The following UGT1A7 variants were observed in gnomAD, a reference collection of about 807,000 sequenced individuals.
UGT1A7 encodes UDP-glucuronosyltransferase 1A7.
UGT1A7 carries 33 observed loss-of-function variants against 45.6 expected under a neutral mutation model. That is an observed-to-expected ratio of 0.72 (90% CI 0.55 to 0.97). UGT1A7 has a LOEUF of 0.97. UGT1A7 is among the 50% of genes least tolerant of loss of function. UGT1A7 has a pLI of 0.00. For missense variants in UGT1A7, 684 were observed against 666.2 expected, an observed-to-expected ratio of 1.03 and a Z score of -0.29; for synonymous variants, 274 against 250.6, an observed-to-expected ratio of 1.09 and a Z score of -0.88.
In UGT1A7 at chr2:233,699,737, A is replaced by G. The variant is rs28898584; in HGVS notation, c.855+16945A>G. Among the ~76,000 whole-genome samples, 1,362 of 152,336 alleles carry G rather than the reference A, an allele frequency of 8.9e-3. 31 individuals carry two copies. The highest frequency in any genetic ancestry group is 0.031 in the African/African-American group (1,271 of 41,572). ...AGCATTTTTTACGGAGCGTTTTCCC[A>G]GAAAACTAGACCCCAGTTCCTCAGG... On this transcript the variant is annotated intron_variant, in intron 1 of 4. Coordinates refer to ENST00000373426, the MANE Select transcript of UGT1A7 (RefSeq NM_019077.3).
intron 1 of UGT1A7, among the ~76,000 whole-genome samples, chr2:233,738,578 G>A (rs893369002): frequency 6.6e-6 from 1 of 152,224 alleles, no homozygotes; most frequent in African/African-American, 2.4e-5. Context: ...GAGAACTGGA[G>A]CAAAGGTCAC....
rs570797148 is a variant in UGT1A7, at chr2:233,754,249, G to A, written c.856-12785G>A. The A allele has an allele frequency of 1.1e-3, 192 of 168,812 alleles. 1 individual carries two copies. The South Asian group carries it at 0.012, about 11-fold the overall frequency. 10.5% of individuals were successfully genotyped at this position (168,812 alleles called of 1,614,324 possible). A position where few individuals can be genotyped will look rare whatever the true frequency, so the allele number is the denominator to read the frequency against. On this transcript the variant is annotated intron_variant, in intron 1 of 4. Coordinates refer to ENST00000373426, the MANE Select transcript of UGT1A7 (RefSeq NM_019077.3). ...ACCACCTGGCTCACACTTTCCCAAC[G>A]GAAAAAGGTAAGGCTCAAAGTGCTG...
intron 1 of UGT1A7, among the ~76,000 whole-genome samples, chr2:233,737,637 G>T (rs1475956364): frequency 6.6e-6 from 1 of 152,182 alleles, no homozygotes; most frequent in Non-Finnish European, 1.5e-5. Context: ...CATCTTCTGC[G>T]TCGATCATGC....
chr2:233,750,910 G>T (rs1371262201), intron 1 of UGT1A7, among the ~76,000 whole-genome samples: 1 of 151,884 alleles, frequency 6.6e-6, no homozygotes, highest in African/African-American at 2.4e-5. Context: ...GCTAGAGAAG[G>T]GTGGTAAAGA....
Position 233,769,013 on chromosome 2 carries a change from C to T in UGT1A7, c.1295+574C>T, listed in dbSNP as rs4148328. 0.32 allele frequency among the ~76,000 whole-genome samples: 49,227 copies of T among 151,996 alleles called. 8,798 individuals are homozygous for T. Among genetic ancestry groups the T allele is most frequent in the East Asian group, 0.6 (3,101 of 5,178 alleles). On this transcript the variant is annotated intron_variant, in intron 4 of 4. Transcript: ENST00000373426. The surrounding 1 kb of genome is among the most constrained non-coding windows in gnomAD (Gnocchi z 4.4). ...CCATTAGATTTAAAACTCCAATTTA[C>T]ATAAAAAGTTGCCATAATAGACATC...
At chr2:233,724,968 T>G (rs1288341370) in intron 1 of UGT1A7, among the ~76,000 whole-genome samples, 5 of 135,284 alleles carry the variant, frequency 3.7e-5, no homozygotes, top group Non-Finnish European at 8.0e-5. Context: ...AGGCCGAGGT[T>G]GGCGGATCAC....
intron 1 of UGT1A7, among the ~76,000 whole-genome samples, chr2:233,701,108 C>T (rs1258266340): frequency 1.3e-5 from 2 of 152,114 alleles, no homozygotes; most frequent in African/African-American, 4.8e-5. Flanking sequence ...TTTTCTTAAT[C>T]CAGTCTATCA....
chr2:233,693,469 T>C (rs757888453), intron 1 of UGT1A7: 2 of 1,614,144 alleles, frequency 1.2e-6, no homozygotes, highest in East Asian at 2.2e-5. Flanking sequence ...CCTTACCCTG[T>C]GGGGTGATCC....
chr2:233,713,263 G>T, intron 1 of UGT1A7: 1 of 1,614,196 alleles, frequency 6.2e-7, no homozygotes, highest in Non-Finnish European at 8.5e-7. Context: ...GAATTTGATC[G>T]CCTTTTGCTG....
At chr2:233,725,486 A>G (rs1390783883) in intron 1 of UGT1A7, among the ~76,000 whole-genome samples, 10 of 152,080 alleles carry the variant, frequency 6.6e-5, no homozygotes, top group Non-Finnish European at 1.0e-4. Context: ...GAAACCAGCA[A>G]AAAGAAACCA....
intron 1 of UGT1A7, among the ~76,000 whole-genome samples, chr2:233,765,334 TAAC>T (rs1239541467): frequency 6.6e-6 from 1 of 152,144 alleles, no homozygotes; most frequent in African/African-American, 2.4e-5. Flanking sequence ...CTATTCACAA[TAAC>T]AAAGTCATGG....
At chr2:233,717,999 T>G (rs1180209049) in intron 1 of UGT1A7, 5 of 416,692 alleles carry the variant, frequency 1.2e-5, no homozygotes, top group Non-Finnish European at 2.4e-5. Flanking sequence ...CTGTGCAAGA[T>G]CTGAGGCCAG....
intron 1 of UGT1A7, among the ~76,000 whole-genome samples, chr2:233,694,899 T>G (rs2075247307): frequency 6.6e-6 from 1 of 152,242 alleles, no homozygotes; most frequent in Non-Finnish European, 1.5e-5. Context: ...TGTGATATTT[T>G]GATACACGTA....
chr2:233,744,344 C>T (rs1692781957), intron 1 of UGT1A7, among the ~76,000 whole-genome samples: 1 of 151,964 alleles, frequency 6.6e-6, no homozygotes, highest in South Asian at 2.1e-4. Flanking sequence ...CTGACTGGGG[C>T]TGAAGACATC....
Position 233,769,856 on chromosome 2 carries a change from TCAA to T in UGT1A7, c.1295+1418_1295+1420del. Reference sequence around the variant, plus strand: ...CTGGGCAACAGAGTGAGACCCTGTCTCAAAAAAAAAAAAAAAAATGAAAAGTCC... The same window carrying T: ...CTGGGCAACAGAGTGAGACCCTGTCTAAAAAAAAAAAAAAATGAAAAGTCC... On this transcript the variant is annotated intron_variant, in intron 4 of 4. Coordinates refer to ENST00000373426, the MANE Select transcript of UGT1A7 (RefSeq NM_019077.3). The surrounding 1 kb of genome is among the most constrained non-coding windows in gnomAD (Gnocchi z 4.4). 3.1e-6 allele frequency: 1 copy of T among 322,450 alleles called. No homozygotes were observed. Among genetic ancestry groups the T allele is most frequent in the Non-Finnish European group, 5.0e-6 (1 of 199,356 alleles). The allele number at this position is 322,450 out of a possible 1,614,324, so 20.0% of individuals were successfully genotyped here.
rs115410088 is a variant in UGT1A7, at chr2:233,772,335, T to C, written c.1369T>C (p.Phe457Leu). Residue 457 changes from phenylalanine to leucine, a missense_variant, in exon 5 of 5, where the codon TTC becomes CTC. Phe to Leu is a conservative substitution (Grantham distance 22, BLOSUM62 0). Coordinates refer to ENST00000373426, the MANE Select transcript of UGT1A7 (RefSeq NM_019077.3). ...GGTGGAGCCGCTGGACCTGGCCGTG[T>C]TCTGGGTGGAGTTTGTGATGAGGCA... Reference protein sequence around the residue: ...RPVEPLDLAVFWVEFVMRHKG... With the variant: ...RPVEPLDLAVLWVEFVMRHKG... The C allele has an allele frequency of 2.5e-5, 41 of 1,614,238 alleles. No individual in the cohort carries two copies. Among genetic ancestry groups the C allele is most frequent in the Non-Finnish European group, 3.4e-5 (40 of 1,180,030 alleles).
intron 1 of UGT1A7, among the ~76,000 whole-genome samples, chr2:233,710,997 T>G (rs1288211350): frequency 6.6e-6 from 1 of 152,218 alleles, no homozygotes; most frequent in Admixed American, 6.5e-5. Context: ...ATCAGGCTAT[T>G]GGATGCCTTT....
At chr2:233,698,599 A>G (rs1335683443) in intron 1 of UGT1A7, among the ~76,000 whole-genome samples, 2 of 152,236 alleles carry the variant, frequency 1.3e-5, no homozygotes, top group African/African-American at 2.4e-5. Flanking sequence ...AGAAATTCGG[A>G]TTAATAAACA....
intron 1 of UGT1A7, chr2:233,747,618 G>A (rs1433302665): frequency 1.3e-5 from 21 of 1,574,996 alleles, no homozygotes; most frequent in Middle Eastern, 1.7e-4. Flanking sequence ...GCATAATGAG[G>A]CCCTGATCAG....
Sources: allele counts gnomAD v4.1 joint callset (sites outside exome capture counted in the v4.1 genomes callset), GRCh38; gene constraint gnomAD v4.1.1; non-coding constraint Gnocchi (gnomAD v3.1); transcripts MANE v1.5; gene names NCBI Gene and HGNC (gene_info 2026-07-23, HGNC 2026-07-21).